The following SNX19 variants were observed in gnomAD, a reference collection of about 807,000 sequenced individuals.
SNX19 encodes sorting nexin 19, also known as sorting nexin-19.
SNX19 carries 60 observed loss-of-function variants against 85.2 expected under a neutral mutation model. That is an observed-to-expected ratio of 0.70 (90% confidence interval 0.57 to 0.87). SNX19 has a LOEUF of 0.87. Ranked by LOEUF, SNX19 falls within the 40% of genes least tolerant of loss-of-function variation. The probability of loss-of-function intolerance (pLI) is 0.00; values close to 1 mark genes in which losing one functional copy is unlikely to be tolerated. For missense variants in SNX19, 1,201 were observed against 1,217.8 expected, an observed-to-expected ratio of 0.99 and a Z score of 0.21; for synonymous variants, 520 against 470.0, an observed-to-expected ratio of 1.11 and a Z score of -1.38.
At chr11:130,889,085 CAT>C (rs1198300041) in intron 8 of SNX19, among the ~76,000 whole-genome samples, 2 of 152,254 alleles carry the variant, frequency 1.3e-5, no homozygotes, top group Non-Finnish European at 2.9e-5. Flanking sequence ...TTGTTAGTAA[CAT>C]GTGACACGTG....
chr11:130,879,598 T>C (rs561247244), intron 10 of SNX19, 26 bp downstream of exon 10: 39 of 1,600,374 alleles, frequency 2.4e-5, no homozygotes, highest in Admixed American at 5.0e-5. Flanking sequence ...ACTATGCTGA[T>C]GTTGGAATAA....
At chr11:130,878,890 G>A (rs1943446491) in intron 10 of SNX19, among the ~76,000 whole-genome samples, 1 of 152,164 alleles carries the variant, frequency 6.6e-6, no homozygotes, top group Non-Finnish European at 1.5e-5. Flanking sequence ...CCTGACTACT[G>A]CTGTTTCTCA....
chr11:130,891,679 C>T (rs899527079), intron 8 of SNX19, among the ~76,000 whole-genome samples: 1 of 151,906 alleles, frequency 6.6e-6, no homozygotes, highest in African/African-American at 2.4e-5. Context: ...GGAGGAAAGA[C>T]CAAAAGCAAA....
intron 8 of SNX19, among the ~76,000 whole-genome samples, chr11:130,881,784 C>T (rs1417314791): frequency 6.6e-6 from 1 of 152,206 alleles, no homozygotes; most frequent in Non-Finnish European, 1.5e-5. Flanking sequence ...TGGAAGTGCT[C>T]TCCTTCTCCA....
In SNX19 at chr11:130,870,676, T is replaced by C. The variant is rs1043845897; in HGVS notation, c.*7746A>G. Among the ~76,000 whole-genome samples the C allele has an allele frequency of 6.6e-6, 1 of 152,114 alleles. No homozygotes were observed. Among genetic ancestry groups the C allele is most frequent in the Non-Finnish European group, 1.5e-5 (1 of 68,014 alleles). On this transcript the variant is annotated 3_prime_UTR_variant, in exon 11 of 11. Transcript: ENST00000265909. ...CACCCTGTCTCTGGGATGTGGAAGG[T>C]TGGGAGAAAGGAATCAACAAAATGA...
chr11:130,893,866 C>T (rs1944679121), intron 8 of SNX19: 2 of 700,246 alleles, frequency 2.9e-6, no homozygotes, highest in East Asian at 2.7e-5. Context: ...GTATATTTCC[C>T]ACCAATTTAC....
rs765711371 is a variant in SNX19 at position 130,906,624 on chromosome 11, C to A, written c.2262+1G>T. The stretch of plus-strand genomic sequence containing the variant: ...CACATTCTCTGGGTTTTGGTTCTTA[C>A]CACATTGCCTTCCTGGAGACAATAA... On this transcript the variant is annotated splice_donor_variant, in intron 6 of 10. Transcript: ENST00000265909. LOFTEE classifies it high-confidence loss of function. 1.2e-6 allele frequency: 2 copies of A among 1,608,482 alleles called. No homozygotes were observed. Among genetic ancestry groups the A allele is most frequent in the African/African-American group, 1.3e-5 (1 of 74,848 alleles).
intron 8 of SNX19, chr11:130,894,022 C>G (rs900517016): frequency 3.5e-5 from 20 of 572,274 alleles, no homozygotes; most frequent in Middle Eastern, 3.1e-4. Context: ...GAGAGCCAAA[C>G]GGTCTCCATC....
intron 8 of SNX19, among the ~76,000 whole-genome samples, chr11:130,881,557 C>T (rs760145063): frequency 2.4e-4 from 36 of 152,188 alleles, no homozygotes; most frequent in African/African-American, 8.2e-4. Context: ...ACGGACTTAG[C>T]GATCTTTAAA....
In SNX19 at chr11:130,910,137, G is replaced by T. The variant is rs150294808; in HGVS notation, c.1915C>A (p.Gln639Lys). Residue 639 changes from glutamine to lysine, a missense_variant and splice_region_variant, in exon 4 of 11, where the codon CAA (glutamine) becomes AAA (lysine). Gln to Lys is a moderately conservative substitution (Grantham distance 53). Transcript: ENST00000265909. Reference sequence around the variant, plus strand: ...GCGATCTCCGGAATGGCACAGAGTTGCTGCAAAAGTAAAACACACACACAT... The same window carrying T: ...GCGATCTCCGGAATGGCACAGAGTTTCTGCAAAAGTAAAACACACACACAT... ...RKSLLESFLK[Q>K]LCAIPEIANS... 413 of 1,614,140 alleles carry T rather than the reference G, an allele frequency of 2.6e-4. 2 individuals are homozygous for T. Among genetic ancestry groups the T allele is most frequent in the South Asian group, 6.6e-4 (60 of 91,084 alleles).
In SNX19 at chr11:130,879,530, G is replaced by C; in HGVS notation, c.2846+94C>G. On this transcript the variant is annotated intron_variant, in intron 10 of 10. Coordinates refer to ENST00000265909, the MANE Select transcript of SNX19 (RefSeq NM_014758.3). Reference sequence around the variant, plus strand: ...AGTAAAGACTACAATCCTATTCTTTGGAATGTGGGCTTTTCACTCAGAAAC... The same window carrying C: ...AGTAAAGACTACAATCCTATTCTTTCGAATGTGGGCTTTTCACTCAGAAAC... 4 of 1,064,742 alleles carry C rather than the reference G, an allele frequency of 3.8e-6. No individual in the cohort carries two copies. In the South Asian group the frequency reaches 5.4e-5, roughly 14 times the overall value. The allele number at this position is 1,064,742 out of a possible 1,614,324, so 66.0% of individuals were successfully genotyped here. A position where few individuals can be genotyped will look rare whatever the true frequency, so the allele number is the denominator to read the frequency against.
chr11:130,879,648 G>A lies in SNX19; in HGVS notation c.2822C>T (p.Ser941Leu). The change falls in exon 10 of 11, where the codon TCA becomes TTA. Residue 941 changes from serine to leucine, a missense_variant. Ser to Leu is a moderately radical substitution (Grantham distance 145). Transcript: ENST00000265909. ...CRLSWGLVLE[S>L]LQQPLINRHL... ...CCTGTTGATGAGGGGTTGTTGTAGT[G>A]ACTCCAGGACTAGACCCCAGCTCAG... 6.2e-7 allele frequency: 1 copy of A among 1,613,886 alleles called. No individual in the cohort carries two copies. The highest frequency in any genetic ancestry group is 8.5e-7 in the Non-Finnish European group (1 of 1,179,904).
At chr11:130,900,608 T>C (rs982044434) in intron 8 of SNX19, among the ~76,000 whole-genome samples, 2 of 152,192 alleles carry the variant, frequency 1.3e-5, no homozygotes, top group Non-Finnish European at 2.9e-5. Context: ...AACTTTTTCC[T>C]ACCCCTTTTA....
chr11:130,915,400 A>G lies in SNX19; in HGVS notation c.540T>C (p.Asn180=). The change falls in exon 1 of 11, where the codon AAT becomes AAC. Residue 180 remains asparagine (N), a synonymous_variant. Coordinates refer to ENST00000265909, the MANE Select transcript of SNX19 (RefSeq NM_014758.3). ...AGAGGTGGGAAGGCTCAACTGGACC[A>G]TTCTTCCCTGCAGTGGCCTCCTTTG... ...IQAKEATAGK[N]GPVEPSHLWE... 6.2e-7 allele frequency: 1 copy of G among 1,613,994 alleles called. No homozygotes were observed. The highest frequency in any genetic ancestry group is 8.5e-7 in the Non-Finnish European group (1 of 1,180,040).
chr11:130,914,225 C>T, intron 1 of SNX19, 41 bp downstream of exon 1: 1 of 1,501,878 alleles, frequency 6.7e-7, no homozygotes, highest in Non-Finnish European at 8.9e-7. Context: ...TCCAAACCCA[C>T]TCCTAGCCCG....
chr11:130,873,754 A>G lies in SNX19; in HGVS notation c.*4668T>C, dbSNP rs927400810. On this transcript the variant is annotated 3_prime_UTR_variant, in exon 11 of 11. Coordinates refer to ENST00000265909, the MANE Select transcript of SNX19 (RefSeq NM_014758.3). ...GTAATGCTCTCAGAAGATGTTAACT[A>G]TTAGCTGGTACCAGGCATTTTGGGA... is the stretch of plus-strand genomic sequence containing the variant. Among the ~76,000 whole-genome samples the G allele has an allele frequency of 7.2e-4, 110 of 152,188 alleles. No homozygotes were observed. The highest frequency in any genetic ancestry group is 7.1e-3 in the Admixed American group (109 of 15,284).
rs1465005935 is a variant in SNX19 at position 130,872,071 on chromosome 11, C to A, written c.*6351G>T. 1.3e-5 allele frequency among the ~76,000 whole-genome samples: 2 copies of A among 152,166 alleles called. No individual in the cohort carries two copies. The highest frequency in any genetic ancestry group is 2.9e-5 in the Non-Finnish European group (2 of 68,028). On this transcript the variant is annotated 3_prime_UTR_variant, in exon 11 of 11. Coordinates refer to ENST00000265909, the MANE Select transcript of SNX19 (RefSeq NM_014758.3). ...CATCCCAGAGATGGTGTGCTGGGGG[C>A]TTTCACGGAAGCGCTTGCAGGTAAG...
rs1592317542 is a variant in SNX19 at position 130,894,688 on chromosome 11, G to A, written c.2573+8567C>T. 3 of 985,310 alleles carry A rather than the reference G, an allele frequency of 3.0e-6. No homozygotes were observed. In the South Asian group the frequency reaches 1.4e-4, roughly 46 times the overall value. The allele number at this position is 985,310 out of a possible 1,614,324, so 61.0% of individuals were successfully genotyped here. A position where few individuals can be genotyped will look rare whatever the true frequency, so the allele number is the denominator to read the frequency against. ...TTGTCACCTATTTGAAACAATAAAA[G>A]CAACACACATTCAGAAAGAAGCTGG... On this transcript the variant is annotated intron_variant, in intron 8 of 10. Transcript: ENST00000265909.
chr11:130,893,186 C>A (rs961539813), intron 8 of SNX19: 1 of 152,364 alleles, frequency 6.6e-6, no homozygotes, highest in African/African-American at 2.4e-5. Context: ...GGAAGGGTTG[C>A]AGGAGGCAGA....
Sources: allele counts gnomAD v4.1 joint callset (sites outside exome capture counted in the v4.1 genomes callset), GRCh38; gene constraint gnomAD v4.1.1; transcripts MANE v1.5; gene names NCBI Gene and HGNC (gene_info 2026-07-23, HGNC 2026-07-21).